The following FADS6 variants were observed in gnomAD, a reference collection of about 807,000 sequenced individuals.
The protein encoded by FADS6 is fatty acid desaturase domain family, member 6.
Under a neutral mutation model 31.7 loss-of-function variants are expected in FADS6, and 28 were observed. The ratio of observed to expected loss-of-function variants is 0.88; its 90% CI spans 0.66 to 1.21. The LOEUF is 1.21. FADS6 is among the 50% of genes most tolerant of loss of function. The pLI is 0.00. For missense variants in FADS6, 494 were observed against 504.2 expected (o/e 0.98, Z 0.19); for synonymous variants, 191 against 213.1 (o/e 0.90, Z 0.90).
chr17:74,891,101 T>G (rs1323671792), intron 2 of FADS6, among the ~76,000 whole-genome samples: 2 of 148,956 alleles, frequency 1.3e-5, no homozygotes, highest in African/African-American at 4.9e-5. Context: ...AGTACAGCTT[T>G]TTTCTTTTTG....
rs1250157471 is a variant in FADS6 at position 74,893,357 on chromosome 17, G to C, written c.239C>G (p.Pro80Arg). The change falls in exon 1 of 6, where the codon CCG becomes CGG. Residue 80 changes from proline (P) to arginine (R), a missense_variant. Coordinates refer to ENST00000612771, the MANE Select transcript of FADS6 (RefSeq NM_178128.6). ...AILALSLFAL[P>R]AGFLCLRWEN... ...CGGGTCCCCGCGTTCCTCACCTGCC[G>C]GCAAGGCGAAGAGGCTGAGCGCGAG... 4.6e-6 allele frequency: 7 copies of C among 1,518,062 alleles called. No homozygotes were observed. Among genetic ancestry groups the C allele is most frequent in the South Asian group, 2.4e-5 (2 of 81,754 alleles). The allele number at this position is 1,518,062 out of a possible 1,614,324, so 94.0% of individuals were successfully genotyped here.
chr17:74,879,431 G>A lies in FADS6; in HGVS notation c.933C>T (p.Pro311=), dbSNP rs776122430. The change falls in exon 5 of 6, where the codon CCC becomes CCT. Residue 311 remains proline (P), a synonymous_variant. Coordinates refer to ENST00000612771, the MANE Select transcript of FADS6 (RefSeq NM_178128.6). Reference sequence around the variant, plus strand: ...TCAGGCACATGTTATCAGAGAGCCTGGGGAATAGATGGTGTTCCACATGGC... The same window carrying A: ...TCAGGCACATGTTATCAGAGAGCCTAGGGAATAGATGGTGTTCCACATGGC... The part of the protein sequence containing the change: ...ISCHVEHHLF[P]RLSDNMCLKV... 3.1e-6 allele frequency: 5 copies of A among 1,613,844 alleles called. No individual in the cohort carries two copies. In the African/African-American group the frequency reaches 6.7e-5, roughly 22 times the overall value.
intron 2 of FADS6, chr17:74,882,923 T>A (rs2038588290): frequency 7.5e-7 from 1 of 1,339,344 alleles, no homozygotes; most frequent in East Asian, 2.6e-5. Context: ...TCGTGTCCGT[T>A]TGACGAGGCT....
chr17:74,887,429 C>G (rs1422243105), intron 2 of FADS6, among the ~76,000 whole-genome samples: 2 of 152,204 alleles, frequency 1.3e-5, no homozygotes, highest in African/African-American at 2.4e-5. Context: ...TGTCCCTGCC[C>G]TGCTCTTCCC....
Position 74,892,704 on chromosome 17 carries a change from GGAA to G in FADS6, c.245-18_245-16del. The G allele has an allele frequency of 6.2e-7, 1 of 1,602,814 alleles. No homozygotes were observed. Among genetic ancestry groups the G allele is most frequent in the Non-Finnish European group, 8.5e-7 (1 of 1,175,012 alleles). On this transcript the variant is annotated splice_polypyrimidine_tract_variant and intron_variant, in intron 1 of 5. Transcript: ENST00000612771. ...GCACAGGAAGCCTGCGTGGAGAGGA[GGAA>G]GAAGACGGGTCTTTCTCTAGCTCTG...
chr17:74,893,345 T>G lies in FADS6; in HGVS notation c.244+7A>C. ...CGGCCGGGACGCCGGGTCCCCGCGT[T>G]CCTCACCTGCCGGCAAGGCGAAGAG... On this transcript the variant is annotated splice_region_variant and intron_variant, in intron 1 of 5. Transcript: ENST00000612771. The G allele has an allele frequency of 6.6e-7, 1 of 1,514,486 alleles. No homozygotes were observed. The highest frequency in any genetic ancestry group is 8.8e-7 in the Non-Finnish European group (1 of 1,137,018). The allele number at this position is 1,514,486 out of a possible 1,614,324, so 93.8% of individuals were successfully genotyped here.
At chr17:74,892,868 C>A (rs1272489072) in intron 1 of FADS6, among the ~76,000 whole-genome samples, 179 bp from the exon 2 acceptor site, 1 of 152,284 alleles carries the variant, frequency 6.6e-6, no homozygotes, top group Non-Finnish European at 1.5e-5. Context: ...GCCCCTCCAG[C>A]GGTCCTGACT....
chr17:74,884,744 C>T (rs2038606266), intron 2 of FADS6, among the ~76,000 whole-genome samples: 1 of 152,010 alleles, frequency 6.6e-6, no homozygotes, highest in Admixed American at 6.6e-5. Context: ...GTCTTGCTCT[C>T]TTGCCCAGGC....
At position 74,893,413 on chromosome 17, in the gene FADS6, C is replaced by T. The variant is rs1417767825; in HGVS notation, c.183G>A (p.Trp61Ter). The T allele has an allele frequency of 6.4e-7, 1 of 1,557,754 alleles. No homozygotes were observed. ...CGCAGTCCACGCCGTGGCGCTCCCA[C>T]CAGGAGCTCGTCCTCACCACGTCCT... ...LVQDVVRTSS[W>*]WERHGVDCAI... Residue 61 changes from tryptophan to a stop codon, truncating the protein, a stop_gained, in exon 1 of 6, where the codon TGG becomes TGA. Transcript: ENST00000612771. LOFTEE classifies it high-confidence loss of function.
In FADS6 at chr17:74,882,714, G is replaced by A. The variant is rs2038585397; in HGVS notation, c.412-4C>T. ...CTGCAGTGAAGGCTGTGCACACCTA[G>A]AGGAGGGAACCAGAAATGACACTGG... is the stretch of plus-strand genomic sequence containing the variant. On this transcript the variant is annotated splice_region_variant and splice_polypyrimidine_tract_variant and intron_variant, in intron 2 of 5. Transcript: ENST00000612771. The A allele has an allele frequency of 3.1e-6, 5 of 1,606,868 alleles. No homozygotes were observed. Among genetic ancestry groups the A allele is most frequent in the South Asian group, 1.1e-5 (1 of 89,542 alleles).
chr17:74,876,270 A>T (rs1160577441), downstream of FADS6, among the ~76,000 whole-genome samples: 1 of 152,184 alleles, frequency 6.6e-6, no homozygotes, highest in Non-Finnish European at 1.5e-5. Context: ...TCTCCCTATC[A>T]GCAGGGTCAG....
In FADS6 at chr17:74,893,507, G is replaced by C. The variant is rs768691692; in HGVS notation, c.89C>G (p.Pro30Arg). ...EPTEPMEPTEPMEPARSAHRG... is the reference protein window; with the variant it reads ...EPTEPMEPTERMEPARSAHRG... ...GTGCGCGCTCCGCGCCGGTTCCATG[G>C]GCTCCGTAGGTTCCATGGGCTCCGT... The change falls in exon 1 of 6, where the codon CCC becomes CGC. Residue 30 changes from proline (P) to arginine (R), a missense_variant. Around this residue, in one of 2 missense-constraint regions of FADS6, gnomAD observed 40 missense variants for 65.7 expected, o/e 0.61. Transcript: ENST00000612771. 124 of 1,568,344 alleles carry C rather than the reference G, an allele frequency of 7.9e-5. 1 individual carries two copies. The highest frequency in any genetic ancestry group is 1.1e-4 in the Admixed American group (6 of 56,492).
At chr17:74,876,032 A>C (rs1369853465), downstream of FADS6, among the ~76,000 whole-genome samples, 2 of 152,214 alleles carry the variant, frequency 1.3e-5, no homozygotes, top group African/African-American at 4.8e-5. Context: ...AGAACTAGTG[A>C]GAGTCTGTAG....
At position 74,892,576 on chromosome 17, in the gene FADS6, C is replaced by T. The variant is rs368257887; in HGVS notation, c.358G>A (p.Ala120Thr). ...VKGSHLATHG[A>T]LTESKRWSKI... The stretch of plus-strand genomic sequence containing the variant: ...CTCCAGCGTTTGGACTCGGTGAGGG[C>T]CCCATGAGTGGCCAGGTGGCTGCCC... Residue 120 changes from alanine to threonine, a missense_variant, in exon 2 of 6, where the codon GCC (alanine) becomes ACC (threonine). Around this residue, in one of 2 missense-constraint regions of FADS6, gnomAD observed 454 missense variants for 438.5 expected, o/e 1.04. Transcript: ENST00000612771. The T allele has an allele frequency of 3.4e-5, 55 of 1,613,362 alleles. 1 individual carries two copies. The highest frequency in any genetic ancestry group is 4.3e-5 in the Non-Finnish European group (51 of 1,179,694).
chr17:74,879,235 C>G, intron 5 of FADS6, 169 bp downstream of exon 5: 1 of 783,344 alleles, frequency 1.3e-6, no homozygotes, highest in Non-Finnish European at 2.0e-6. Flanking sequence ...TGGGGTTTCA[C>G]CATGTTGCCC....
chr17:74,892,440 G>C, intron 2 of FADS6, 83 bp downstream of exon 2: 1 of 1,499,256 alleles, frequency 6.7e-7, no homozygotes, highest in South Asian at 1.3e-5. Context: ...TGCACAGCTG[G>C]ACACACCCGC....
chr17:74,885,115 C>A (rs1400030476), intron 2 of FADS6, among the ~76,000 whole-genome samples: 2 of 151,986 alleles, frequency 1.3e-5, no homozygotes, highest in Non-Finnish European at 2.9e-5. Flanking sequence ...AGTCACCTCC[C>A]ACCAGGCCCC....
At chr17:74,888,160 G>T (rs1032659753) in intron 2 of FADS6, among the ~76,000 whole-genome samples, 3 of 109,088 alleles carry the variant, frequency 2.8e-5, no homozygotes, top group East Asian at 4.6e-4. Context: ...ACACACGCGC[G>T]CGCGCGCGCG....
At chr17:74,880,067 G>A (rs1423841883) in intron 4 of FADS6, among the ~76,000 whole-genome samples, 1 of 152,188 alleles carries the variant, frequency 6.6e-6, no homozygotes. Context: ...ACTCAATTAT[G>A]GGATTAAGTA....
Sources: allele counts gnomAD v4.1 joint callset (sites outside exome capture counted in the v4.1 genomes callset), GRCh38; gene constraint gnomAD v4.1.1; regional missense constraint gnomAD v4.1.1; transcripts MANE v1.5; gene names NCBI Gene and HGNC (gene_info 2026-07-23, HGNC 2026-07-21).